The following CCND3 variants were observed in gnomAD, a reference collection of about 807,000 sequenced individuals.
The protein encoded by CCND3 is G1/S-specific cyclin-D3.
CCND3 carries 9 observed loss-of-function variants against 28.7 expected under a neutral mutation model. The ratio of observed to expected loss-of-function variants is 0.31; its 90% confidence interval spans 0.19 to 0.55. The LOEUF (loss-of-function observed/expected upper bound fraction) is 0.55, where lower values mean the gene tolerates loss of function less well. CCND3 is among the 20% of genes least tolerant of loss of function. The probability of loss-of-function intolerance (pLI) is 0.93; values close to 1 mark genes in which losing one functional copy is unlikely to be tolerated. For missense variants in CCND3, 315 were observed against 385.8 expected, an observed-to-expected ratio of 0.82 and a Z score of 1.54; for synonymous variants, 164 against 163.9, an observed-to-expected ratio of 1.00 and a Z score of 0.00.
At chr6:41,957,718 G>A (rs1041332980) in intron 1 of CCND3, among the ~76,000 whole-genome samples, 14 of 152,314 alleles carry the variant, frequency 9.2e-5, no homozygotes, top group African/African-American at 2.9e-4. Context: ...GCATGAAGAT[G>A]TGTGCTTTGA....
chr6:41,935,835 A>C lies in CCND3; in HGVS notation c.*105T>G. The C allele has an allele frequency of 9.0e-7, 1 of 1,106,024 alleles. No individual in the cohort carries two copies. Among genetic ancestry groups the C allele is most frequent in the Non-Finnish European group, 1.3e-6 (1 of 751,158 alleles). 68.5% of individuals were successfully genotyped at this position (1,106,024 alleles called of 1,614,324 possible). A position where few individuals can be genotyped will look rare whatever the true frequency, so the allele number is the denominator to read the frequency against. On this transcript the variant is annotated 3_prime_UTR_variant, in exon 5 of 5. Coordinates refer to ENST00000372991, the MANE Select transcript of CCND3 (RefSeq NM_001760.5). ...CCCTTGGGCTTTGTGAAGGGGGAAC[A>C]GACGCCCCTTCAGGCTTAGATGTGG...
intron 1 of CCND3, among the ~76,000 whole-genome samples, chr6:42,039,568 C>T (rs999052095): frequency 6.6e-6 from 1 of 152,216 alleles, no homozygotes; most frequent in Non-Finnish European, 1.5e-5. Flanking sequence ...CTGGCCTAAT[C>T]GCACACTCCT....
intron 1 of CCND3, among the ~76,000 whole-genome samples, chr6:41,980,990 C>T (rs1762329379): frequency 6.6e-6 from 1 of 152,132 alleles, no homozygotes; most frequent in South Asian, 2.1e-4. Context: ...GGTTTTCTCT[C>T]ACCACTTTCT....
At chr6:41,984,205 G>A (rs1420283627) in intron 1 of CCND3, among the ~76,000 whole-genome samples, 1 of 152,048 alleles carries the variant, frequency 6.6e-6, no homozygotes, top group African/African-American at 2.4e-5. Context: ...TGGATATTTA[G>A]GTTGATTGTA....
At chr6:42,009,009 G>A (rs540811882) in intron 1 of CCND3, among the ~76,000 whole-genome samples, 2 of 152,270 alleles carry the variant, frequency 1.3e-5, no homozygotes, top group South Asian at 2.1e-4. Context: ...TCTTCTTTCC[G>A]CCTTCTTCTC....
At chr6:41,951,587 T>A (rs1456104079) in intron 1 of CCND3, among the ~76,000 whole-genome samples, 17 of 102,286 alleles carry the variant, frequency 1.7e-4, no homozygotes, top group East Asian at 3.2e-4. Flanking sequence ...AAAAAAAAGA[T>A]TAAGTGGGAG....
At chr6:41,946,042 A>G (rs1343276654), upstream of CCND3, among the ~76,000 whole-genome samples, 1 of 152,078 alleles carries the variant, frequency 6.6e-6, no homozygotes, top group Admixed American at 6.6e-5. Flanking sequence ...CGGTAAACGC[A>G]TGGTCTAGCG....
intron 1 of CCND3, among the ~76,000 whole-genome samples, chr6:41,949,786 C>T (rs892414568): frequency 3.3e-5 from 5 of 151,708 alleles, no homozygotes; most frequent in African/African-American, 1.2e-4. Context: ...CAAGTCTCTC[C>T]TCATAAAATA....
chr6:42,033,489 T>TAC (rs144583266), intron 1 of CCND3, among the ~76,000 whole-genome samples: 72,448 of 149,318 alleles, frequency 0.49, 17,866 homozygotes, highest in Non-Finnish European at 0.55. Context: ...TATGCACACA[T>TAC]ACACACACAC....
rs899614683 is a variant in CCND3 at position 42,048,352 on chromosome 6, T to C, written c.-46+149A>G. ...ATTCCGTGCAGAACACCTCACTCAGTGGGAAAGTGAGCCAAGCTTTCGGTG... is the reference window on the plus strand; with the variant it reads ...ATTCCGTGCAGAACACCTCACTCAGCGGGAAAGTGAGCCAAGCTTTCGGTG... On this transcript the variant is annotated intron_variant, in intron 1 of 4. Coordinates refer to the CCND3 transcript ENST00000372988. This position sits in a 1 kb window ranked among gnomAD's most constrained non-coding sequence, Gnocchi z 4.7. 1 of 342,834 alleles carries C rather than the reference T, an allele frequency of 2.9e-6. No homozygotes were observed. 21.2% of individuals were successfully genotyped at this position (342,834 alleles called of 1,614,324 possible). A position where few individuals can be genotyped will look rare whatever the true frequency, so the allele number is the denominator to read the frequency against.
chr6:42,044,851 T>C (rs1459155520), intron 1 of CCND3, among the ~76,000 whole-genome samples: 2 of 151,720 alleles, frequency 1.3e-5, no homozygotes, highest in South Asian at 4.2e-4. Flanking sequence ...TGCGATGGCG[T>C]GATCTTGGCT....
At chr6:42,015,623 T>C (rs1399574497) in intron 1 of CCND3, among the ~76,000 whole-genome samples, 1 of 151,772 alleles carries the variant, frequency 6.6e-6, no homozygotes, top group Non-Finnish European at 1.5e-5. Context: ...GGCAGGAGAA[T>C]GGCATGAACC....
chr6:42,036,032 C>G (rs1764196884), intron 1 of CCND3, among the ~76,000 whole-genome samples: 1 of 150,404 alleles, frequency 6.6e-6, no homozygotes, highest in Non-Finnish European at 1.5e-5. Flanking sequence ...GCTCTGTCAC[C>G]CAGGCTGGAG....
Position 41,963,461 on chromosome 6 carries a change from G to A in CCND3, c.-45-22876C>T, listed in dbSNP as rs544763070. Among the ~76,000 whole-genome samples, 9 of 152,338 alleles carry A rather than the reference G, an allele frequency of 5.9e-5. No individual in the cohort carries two copies. The South Asian group carries it at 1.9e-3, about 32-fold the overall frequency. On this transcript the variant is annotated intron_variant, in intron 1 of 4. Transcript: ENST00000372988. ...TACATAAGGAAAAGTGTGCTTTATT[G>A]AAGCTGCCTGAAGAGTACACACAAT...
Position 42,048,676 on chromosome 6 carries a change from T to C in CCND3, c.-221A>G, listed in dbSNP as rs757874240. 3 of 518,124 alleles carry C rather than the reference T, an allele frequency of 5.8e-6. No individual in the cohort carries two copies. Among genetic ancestry groups the C allele is most frequent in the South Asian group, 4.2e-5 (3 of 71,434 alleles). The allele number at this position is 518,124 out of a possible 1,614,324, so 32.1% of individuals were successfully genotyped here. A position where few individuals can be genotyped will look rare whatever the true frequency, so the allele number is the denominator to read the frequency against. On this transcript the variant is annotated 5_prime_UTR_variant, in exon 1 of 5. Transcript: ENST00000372988. The surrounding 1 kb of genome is among the most constrained non-coding windows in gnomAD (Gnocchi z 4.7). ...ACAGAGCCAGTCTCCACCCCTGCAG[T>C]GGCGAAGTGTTTACAAAGTCCGCGC...
chr6:42,012,732 C>T (rs1763377262), intron 1 of CCND3, among the ~76,000 whole-genome samples: 1 of 152,180 alleles, frequency 6.6e-6, no homozygotes. Context: ...GAATTATGTA[C>T]ATTACAAGAT....
At chr6:41,962,113 CTTTT>C (rs1480497529) in intron 1 of CCND3, among the ~76,000 whole-genome samples, 1 of 151,230 alleles carries the variant, frequency 6.6e-6, no homozygotes, top group East Asian at 1.9e-4. Context: ...TTCTTTTTTT[CTTTT>C]GAGTTGGAGT....
chr6:42,048,459 T>A lies in CCND3; in HGVS notation c.-46+42A>T. 2.1e-6 allele frequency: 1 copy of A among 474,736 alleles called. No homozygotes were observed. Among genetic ancestry groups the A allele is most frequent in the Non-Finnish European group, 4.2e-6 (1 of 237,342 alleles). 29.4% of individuals were successfully genotyped at this position (474,736 alleles called of 1,614,324 possible). A position where few individuals can be genotyped will look rare whatever the true frequency, so the allele number is the denominator to read the frequency against. On this transcript the variant is annotated intron_variant, in intron 1 of 4. Transcript: ENST00000372988. This position sits in a 1 kb window ranked among gnomAD's most constrained non-coding sequence, Gnocchi z 4.7. ...CCAACGCATGGTCTCCAGCCTGAGC[T>A]GACATCCCATCTACCCCGGTTTCTC... is the stretch of plus-strand genomic sequence containing the variant.
Position 41,978,528 on chromosome 6 carries a change from C to T in CCND3, c.-45-37943G>A, listed in dbSNP as rs148658903. ...TCCAGCCTGGATGACAAAAGCGAAA[C>T]TTAGTCTCAACAATAACAACAACAA... On this transcript the variant is annotated intron_variant, in intron 1 of 4. Coordinates refer to the CCND3 transcript ENST00000372988. 2.2e-4 allele frequency among the ~76,000 whole-genome samples: 34 copies of T among 152,128 alleles called. No homozygotes were observed. In the East Asian group the frequency reaches 5.6e-3, roughly 25 times the overall value.
Sources: gnomAD v4.1 joint callset for allele counts (sites outside exome capture counted in the v4.1 genomes callset) on GRCh38, gnomAD v4.1.1 for gene constraint, Gnocchi (gnomAD v3.1) non-coding constraint, MANE v1.5 for transcripts, NCBI Gene and HGNC (gene_info 2026-07-23, HGNC 2026-07-21) for gene names.